ASB3: variants seen among roughly 807,000 people sequenced by gnomAD.
The protein encoded by ASB3 is ankyrin repeat and SOCS box protein 3.
Under a neutral mutation model 54.5 loss-of-function variants are expected in ASB3, and 41 were observed. That is an observed-to-expected ratio of 0.75 (90% confidence interval 0.59 to 0.98). The LOEUF (loss-of-function observed/expected upper bound fraction) is 0.98, where lower values mean the gene tolerates loss of function less well. Ranked by LOEUF, ASB3 falls within the 50% of genes least tolerant of loss-of-function variation. The pLI, the probability that ASB3 is intolerant of heterozygous loss-of-function variation, is 0.00. For synonymous variants in ASB3, 266 were observed against 221.2 expected (o/e 1.20, Z -1.80); for missense variants, 733 against 620.0 (o/e 1.18, Z -1.94).
chr2:53,678,359 T>A (rs975645020), intron 9 of ASB3, among the ~76,000 whole-genome samples: 1 of 152,186 alleles, frequency 6.6e-6, no homozygotes, highest in Non-Finnish European at 1.5e-5. Context: ...TTTTATCACA[T>A]AACATGCCTG....
Position 53,774,168 on chromosome 2 carries a change from A to G in ASB3, c.-13-8583T>C, listed in dbSNP as rs758890369. The G allele has an allele frequency of 3.1e-6, 5 of 1,611,212 alleles. No individual in the cohort carries two copies. The African/African-American group carries it at 6.7e-5, about 22-fold the overall frequency. On this transcript the variant is annotated intron_variant, in intron 1 of 9. Coordinates refer to ENST00000263634, the MANE Select transcript of ASB3 (RefSeq NM_016115.5). ...GATGTGTATGGGGTGTTGCTTACAG[A>G]TTGCCAGTAGGAAAGGAAGAAGAAG... is the stretch of plus-strand genomic sequence containing the variant.
intron 3 of ASB3, among the ~76,000 whole-genome samples, chr2:53,730,966 A>T (rs1671273679): frequency 6.6e-6 from 1 of 152,228 alleles, no homozygotes; most frequent in African/African-American, 2.4e-5. Context: ...GGAATATAAA[A>T]ATCCTTAAAA....
At chr2:53,696,902 G>C (rs754618799) in intron 8 of ASB3, among the ~76,000 whole-genome samples, 3 of 152,140 alleles carry the variant, frequency 2.0e-5, no homozygotes, top group African/African-American at 4.8e-5. Context: ...ATGTGTCAGA[G>C]GTGTATGAAC....
At chr2:53,772,084 TTG>T (rs1302230550) in intron 1 of ASB3, 7 of 576,650 alleles carry the variant, frequency 1.2e-5, no homozygotes, top group African/African-American at 1.9e-5. Flanking sequence ...TGGGTTTTTT[TTG>T]TGTTTGTGAA....
At chr2:53,755,334 G>A (rs933851596) in intron 2 of ASB3, among the ~76,000 whole-genome samples, 1 of 152,140 alleles carries the variant, frequency 6.6e-6, no homozygotes, top group African/African-American at 2.4e-5. Context: ...TTTTACTTAT[G>A]AATAATAAAC....
At chr2:53,728,617 A>C (rs2103903724) in intron 5 of ASB3, 95 bp downstream of exon 5, 1 of 1,361,214 alleles carries the variant, frequency 7.3e-7, no homozygotes, top group East Asian at 2.5e-5. Context: ...TAAATTTCAC[A>C]ACCTGATTTA....
intron 9 of ASB3, among the ~76,000 whole-genome samples, chr2:53,686,400 G>C (rs534491245): frequency 1.3e-4 from 20 of 152,172 alleles, no homozygotes; most frequent in South Asian, 2.1e-4. Flanking sequence ...TCAGAGCCAC[G>C]GTTTTGTGCC....
At chr2:53,725,104 C>CAG (rs1236923580) in intron 5 of ASB3, among the ~76,000 whole-genome samples, 1 of 152,086 alleles carries the variant, frequency 6.6e-6, no homozygotes, top group African/African-American at 2.4e-5. Flanking sequence ...TACTACGCAG[C>CAG]CATAGAAAAG....
At chr2:53,711,207 T>C (rs953588901) in intron 7 of ASB3, among the ~76,000 whole-genome samples, 1 of 152,136 alleles carries the variant, frequency 6.6e-6, no homozygotes, top group Non-Finnish European at 1.5e-5. Context: ...AATATGCAAA[T>C]TCATATGCAC....
At chr2:53,752,267 C>T (rs1398765828) in intron 2 of ASB3, among the ~76,000 whole-genome samples, 1 of 152,116 alleles carries the variant, frequency 6.6e-6, no homozygotes, top group African/African-American at 2.4e-5. Flanking sequence ...TTTTTTGCTC[C>T]TTAGTTCAGC....
intron 1 of ASB3, chr2:53,767,527 T>C: frequency 5.3e-6 from 1 of 189,036 alleles, no homozygotes; most frequent in African/African-American, 2.3e-5. Context: ...CCGTTAGAAA[T>C]AAGCCCAGTT....
chr2:53,738,381 A>G (rs187275797), intron 3 of ASB3, among the ~76,000 whole-genome samples: 497 of 152,322 alleles, frequency 3.3e-3, no homozygotes, highest in Non-Finnish European at 5.8e-3. Context: ...GCTCTCTAGA[A>G]CTGTTCTCCA....
chr2:53,714,609 T>G (rs1390272968), intron 6 of ASB3, 28 bp from the exon 7 acceptor site: 2 of 1,610,780 alleles, frequency 1.2e-6, no homozygotes, highest in East Asian at 4.5e-5. Flanking sequence ...CAGGAGAATT[T>G]AGTGTTTGTA....
intron 3 of ASB3, among the ~76,000 whole-genome samples, chr2:53,739,581 A>G (rs1671822357): frequency 6.6e-6 from 1 of 152,240 alleles, no homozygotes. Context: ...ACAATTCTGT[A>G]CAAATTACAA....
rs1670200003 is a variant in ASB3, at chr2:53,713,153, A to G, written c.980+1231T>C. ...CCAGGAGTTCGAGACCAGGCTGGTG[A>G]AACCCTATCTCTACTAAAACGTGTA... On this transcript the variant is annotated intron_variant, in intron 7 of 9. Coordinates refer to ENST00000263634, the MANE Select transcript of ASB3 (RefSeq NM_016115.5). Among the ~76,000 whole-genome samples the G allele has an allele frequency of 2.0e-5, 3 of 152,330 alleles. No homozygotes were observed. In the South Asian group the frequency reaches 6.2e-4, roughly 32 times the overall value.
chr2:53,762,134 GC>G (rs1673179108), intron 2 of ASB3, among the ~76,000 whole-genome samples: 1 of 152,048 alleles, frequency 6.6e-6, no homozygotes, highest in African/African-American at 2.4e-5. Flanking sequence ...TTATAGCAAC[GC>G]AGACAAGGTA....
At chr2:53,781,085 A>C (rs537431560) in intron 1 of ASB3, among the ~76,000 whole-genome samples, 5 of 152,176 alleles carry the variant, frequency 3.3e-5, no homozygotes, top group Non-Finnish European at 5.9e-5. Flanking sequence ...ACAGGAACAA[A>C]ATGAAATTAA....
chr2:53,783,160 G>T (rs141475994), intron 1 of ASB3, among the ~76,000 whole-genome samples: 37 of 152,052 alleles, frequency 2.4e-4, no homozygotes, highest in African/African-American at 8.7e-4. Flanking sequence ...CTATTTCCGG[G>T]AATGGGACAT....
intron 7 of ASB3, among the ~76,000 whole-genome samples, chr2:53,702,610 G>C (rs373437072): frequency 1.3e-4 from 20 of 152,286 alleles, no homozygotes; most frequent in African/African-American, 4.3e-4. Flanking sequence ...TAGAGGGACT[G>C]TACATTATAT....
Sources: allele counts gnomAD v4.1 joint callset (sites outside exome capture counted in the v4.1 genomes callset), GRCh38; gene constraint gnomAD v4.1.1; transcripts MANE v1.5; gene names NCBI Gene and HGNC (gene_info 2026-07-23, HGNC 2026-07-21).